The following EML4 variants were observed in gnomAD, a reference collection of about 807,000 sequenced individuals.
The protein encoded by EML4 is EMAP like 4, also known as echinoderm microtubule-associated protein-like 4.
EML4 carries 72 observed loss-of-function variants against 129.0 expected under a neutral mutation model. The ratio of observed to expected loss-of-function variants is 0.56; its 90% CI spans 0.46 to 0.68. The LOEUF (loss-of-function observed/expected upper bound fraction) is 0.68, where lower values mean the gene tolerates loss of function less well. Ranked by LOEUF, EML4 falls within the 30% of genes least tolerant of loss-of-function variation. The probability of loss-of-function intolerance (pLI) is 0.00; values close to 1 mark genes in which losing one functional copy is unlikely to be tolerated. For synonymous variants in EML4, 532 were observed against 405.0 expected (o/e 1.31, Z -3.77); for missense variants, 1,363 against 1,190.6 (o/e 1.14, Z -2.13).
Position 42,326,528 on chromosome 2 carries a change from ATTAAATTTGGAAAGGCAT to A in EML4, c.2341+279_2341+296del, listed in dbSNP as rs368956827. Among the ~76,000 whole-genome samples, 937 of 152,292 alleles carry A rather than the reference ATTAAATTTGGAAAGGCAT, an allele frequency of 6.2e-3. 5 individuals are homozygous for A. The highest frequency in any genetic ancestry group is 0.022 in the African/African-American group (897 of 41,550). ...TTTTCTTTAAGTGAAAATTGAAGTT[ATTAAATTTGGAAAGGCAT>A]TTTTAAATAGCTTGAGATACATGCC... On this transcript the variant is annotated intron_variant, in intron 21 of 22. Coordinates refer to ENST00000318522, the MANE Select transcript of EML4 (RefSeq NM_019063.5).
intron 19 of EML4, 180 bp from the exon 20 acceptor site, chr2:42,325,287 C>T: frequency 1.6e-6 from 1 of 630,486 alleles, no homozygotes; most frequent in Non-Finnish European, 3.1e-6. Context: ...AAAGTTTCTC[C>T]CAGGTTTCAA....
chr2:42,297,507 A>G (rs1368223716), intron 13 of EML4, among the ~76,000 whole-genome samples: 2 of 152,242 alleles, frequency 1.3e-5, no homozygotes, highest in African/African-American at 4.8e-5. Flanking sequence ...ATTGCTGGGC[A>G]CATGAAATGG....
At chr2:42,317,574 C>G in intron 19 of EML4, 50 bp downstream of exon 19, 9 of 1,295,616 alleles carry the variant, frequency 6.9e-6, no homozygotes, top group Non-Finnish European at 8.8e-6. Context: ...AATTTTACTT[C>G]CGTTAAAAAC....
intron 1 of EML4, among the ~76,000 whole-genome samples, chr2:42,210,810 T>C (rs1021201797): frequency 2.0e-5 from 3 of 152,214 alleles, no homozygotes; most frequent in Non-Finnish European, 4.4e-5. Context: ...AAAAACTCTT[T>C]TGAGAACTTC....
At chr2:42,198,773 C>T (rs2103947206) in intron 1 of EML4, among the ~76,000 whole-genome samples, 1 of 152,212 alleles carries the variant, frequency 6.6e-6, no homozygotes, top group East Asian at 1.9e-4. Context: ...TGTAGAGAGA[C>T]CAAGATGGGT....
intron 6 of EML4, among the ~76,000 whole-genome samples, chr2:42,266,577 C>T (rs146105093): frequency 9.2e-5 from 14 of 152,070 alleles, no homozygotes; most frequent in African/African-American, 3.4e-4. Flanking sequence ...CTCCTGGGCT[C>T]AAGCAGTCCT....
At chr2:42,177,632 A>G (rs528889069) in intron 1 of EML4, among the ~76,000 whole-genome samples, 3 of 152,302 alleles carry the variant, frequency 2.0e-5, no homozygotes, top group Admixed American at 6.5e-5. Flanking sequence ...CAAACAAGCA[A>G]ACAGACAAAC....
intron 1 of EML4, among the ~76,000 whole-genome samples, chr2:42,236,982 T>A (rs1674718623): frequency 6.6e-6 from 1 of 152,212 alleles, no homozygotes; most frequent in Admixed American, 6.5e-5. Flanking sequence ...TTAGAAAGAC[T>A]GGCAAAACCT....
intron 7 of EML4, 139 bp from the exon 8 acceptor site, chr2:42,282,684 G>T (rs1006226733): frequency 5.4e-6 from 4 of 734,066 alleles, no homozygotes; most frequent in Non-Finnish European, 6.8e-6. Flanking sequence ...TGAGCACTCT[G>T]CCCGTCCAGG....
chr2:42,217,553 T>C (rs1045319330), intron 1 of EML4, among the ~76,000 whole-genome samples: 2 of 152,236 alleles, frequency 1.3e-5, no homozygotes, highest in African/African-American at 4.8e-5. Flanking sequence ...GTTTGAATTA[T>C]GTTATTTACA....
intron 17 of EML4, among the ~76,000 whole-genome samples, chr2:42,312,268 C>CG (rs1004608504): frequency 2.6e-5 from 4 of 151,866 alleles, no homozygotes; most frequent in African/African-American, 9.7e-5. Flanking sequence ...TTCTAAGCCC[C>CG]CCCCCACCAT....
At chr2:42,194,135 TAGTC>T (rs1399763650) in intron 1 of EML4, among the ~76,000 whole-genome samples, 5 of 152,208 alleles carry the variant, frequency 3.3e-5, no homozygotes, top group Non-Finnish European at 5.9e-5. Flanking sequence ...CACAAAAAGA[TAGTC>T]ATCATAAATT....
At chr2:42,182,125 C>CTTT (rs1164289811) in intron 1 of EML4, among the ~76,000 whole-genome samples, 8 of 102,752 alleles carry the variant, frequency 7.8e-5, no homozygotes, top group African/African-American at 2.1e-4. Flanking sequence ...CCACTGGTTT[C>CTTT]TTTTTTTTTT....
chr2:42,267,858 AGTCCT>A (rs1666149894), intron 6 of EML4, among the ~76,000 whole-genome samples: 1 of 152,176 alleles, frequency 6.6e-6, no homozygotes, highest in Admixed American at 6.5e-5. Flanking sequence ...GCAGAGATAA[AGTCCT>A]AGCATGTCAA....
intron 11 of EML4, among the ~76,000 whole-genome samples, chr2:42,290,525 G>A (rs759827345): frequency 4.0e-5 from 6 of 149,442 alleles, no homozygotes; most frequent in African/African-American, 1.5e-4. Flanking sequence ...CCAGGAGTTC[G>A]AGACCAGCCT....
chr2:42,237,225 A>G (rs930674961), intron 1 of EML4, among the ~76,000 whole-genome samples: 2 of 152,138 alleles, frequency 1.3e-5, no homozygotes, highest in African/African-American at 4.8e-5. Context: ...ATGAGCTACC[A>G]TGCCCAGTCT....
At chr2:42,238,747 A>G (rs972690787) in intron 1 of EML4, among the ~76,000 whole-genome samples, 1 of 152,118 alleles carries the variant, frequency 6.6e-6, no homozygotes, top group Non-Finnish European at 1.5e-5. Flanking sequence ...CTGAATTACA[A>G]GCATGTGCCA....
At chr2:42,195,145 T>C (rs930291759) in intron 1 of EML4, among the ~76,000 whole-genome samples, 7 of 152,206 alleles carry the variant, frequency 4.6e-5, no homozygotes, top group African/African-American at 1.7e-4. Context: ...CTTGGCCTTG[T>C]TTTGTGGCCA....
chr2:42,202,344 T>G (rs1265784856), intron 1 of EML4, among the ~76,000 whole-genome samples: 1 of 152,058 alleles, frequency 6.6e-6, no homozygotes. Context: ...AGTTCGAGAC[T>G]AGCCTGGTGT....
Sources: gnomAD v4.1 joint callset for allele counts (sites outside exome capture counted in the v4.1 genomes callset) on GRCh38, gnomAD v4.1.1 for gene constraint, MANE v1.5 for transcripts, NCBI Gene and HGNC (gene_info 2026-07-23, HGNC 2026-07-21) for gene names.